The following KCNC2 variants were observed in gnomAD, a reference collection of about 807,000 sequenced individuals.
KCNC2 encodes potassium voltage-gated channel subfamily C member 2.
KCNC2 carries 21 observed loss-of-function variants against 44.5 expected under a neutral mutation model. The ratio of observed to expected loss-of-function variants is 0.47; its 90% CI spans 0.33 to 0.68. KCNC2 has a LOEUF of 0.68. Among genes scored for constraint, KCNC2 ranks in the 30% least tolerant of loss-of-function variants. The pLI is 0.01. For synonymous variants in KCNC2, 391 were observed against 339.1 expected (o/e 1.15, Z -1.68); for missense variants, 589 against 826.2 (o/e 0.71, Z 3.52).
chr12:75,165,688 A>T (rs577523604), intron 2 of KCNC2, among the ~76,000 whole-genome samples: 86 of 151,690 alleles, frequency 5.7e-4, no homozygotes, highest in Non-Finnish European at 9.5e-4. Context: ...AAGTGGAAAG[A>T]TAGAGTACTT....
At chr12:75,051,443 G>A in intron 2 of KCNC2, 126 bp from the exon 3 acceptor site, 1 of 602,014 alleles carries the variant, frequency 1.7e-6, no homozygotes, top group Non-Finnish European at 2.9e-6. Context: ...GTTTCACTTG[G>A]ATATGACCTA....
intron 2 of KCNC2, among the ~76,000 whole-genome samples, chr12:75,198,524 G>A (rs908249182): frequency 1.3e-5 from 2 of 151,710 alleles, no homozygotes; most frequent in Non-Finnish European, 3.0e-5. Flanking sequence ...AAAGAGAGAA[G>A]CAGAACAACT....
intron 2 of KCNC2, among the ~76,000 whole-genome samples, chr12:75,116,042 T>C (rs1015567180): frequency 6.6e-5 from 10 of 152,188 alleles, no homozygotes; most frequent in Non-Finnish European, 1.0e-4. Flanking sequence ...TCAAGGAACC[T>C]TGTGCTTTAT....
chr12:75,079,020 C>T (rs1287470839), intron 2 of KCNC2, among the ~76,000 whole-genome samples: 3 of 151,962 alleles, frequency 2.0e-5, no homozygotes, highest in Non-Finnish European at 4.4e-5. Context: ...AATATTAAAA[C>T]ACAAAAGCTT....
intron 2 of KCNC2, among the ~76,000 whole-genome samples, chr12:75,198,057 A>C (rs1385233792): frequency 1.6e-4 from 24 of 151,916 alleles, no homozygotes. Context: ...AACATGAGGC[A>C]ATTAATTAAA....
intron 2 of KCNC2, among the ~76,000 whole-genome samples, chr12:75,130,781 T>TAAA (rs1224440806): frequency 2.4e-4 from 29 of 122,638 alleles, no homozygotes; most frequent in African/African-American, 8.0e-4. Flanking sequence ...CTCCTAGTAA[T>TAAA]AAAAAAAAAA....
intron 2 of KCNC2, among the ~76,000 whole-genome samples, chr12:75,179,959 C>T (rs1056691229): frequency 5.3e-5 from 8 of 151,812 alleles, no homozygotes; most frequent in African/African-American, 1.9e-4. Context: ...TACTGAATAT[C>T]ATCTATTTGT....
rs1269707752 is a variant in KCNC2 at position 75,082,633 on chromosome 12, A to G, written c.688-31316T>C. Among the ~76,000 whole-genome samples the G allele has an allele frequency of 7.9e-5, 12 of 151,562 alleles. 1 individual carries two copies. The highest frequency in any genetic ancestry group is 7.9e-4 in the Admixed American group (12 of 15,162). On this transcript the variant is annotated intron_variant, in intron 2 of 4. Coordinates refer to ENST00000549446, the MANE Select transcript of KCNC2 (RefSeq NM_139137.4). ...TTTTCACAGTAAAAATATGGAAGTA[A>G]CCTCAATACCCAGGGAAAAAAGAAT...
intron 2 of KCNC2, among the ~76,000 whole-genome samples, chr12:75,061,160 T>C (rs1204939964): frequency 6.6e-6 from 1 of 152,290 alleles, no homozygotes. Flanking sequence ...TAGTAACTAT[T>C]AAGAAGGCAT....
intron 2 of KCNC2, among the ~76,000 whole-genome samples, chr12:75,156,469 G>A (rs139686407): frequency 8.6e-5 from 13 of 151,728 alleles, no homozygotes; most frequent in African/African-American, 2.9e-4. Flanking sequence ...CATATGCCTC[G>A]CACAGCCTAA....
chr12:75,179,363 A>G (rs1892401665), intron 2 of KCNC2, among the ~76,000 whole-genome samples: 2 of 151,966 alleles, frequency 1.3e-5, no homozygotes, highest in South Asian at 4.1e-4. Context: ...GCAAAAATAT[A>G]TAAGGAGTGA....
In KCNC2 at chr12:75,074,256, G is replaced by GGCC. The variant is rs1321515966; in HGVS notation, c.688-22942_688-22940dup. 8.8e-5 allele frequency among the ~76,000 whole-genome samples: 3 copies of GGCC among 33,920 alleles called. No homozygotes were observed. In the East Asian group the frequency reaches 2.1e-3, roughly 24 times the overall value. 22.3% of individuals were successfully genotyped at this position (33,920 alleles called of 152,430 possible). On this transcript the variant is annotated intron_variant, in intron 2 of 4. Transcript: ENST00000549446. ...GATTTTTTTTTTTTTTTTTTTTTTTGGCCATTTGGGTAAAGTTGCTGTTGA... is the reference window on the plus strand; with the variant it reads ...GATTTTTTTTTTTTTTTTTTTTTTTGGCCGCCATTTGGGTAAAGTTGCTGTTGA...
At chr12:75,135,237 T>G (rs1209320284) in intron 2 of KCNC2, among the ~76,000 whole-genome samples, 1 of 151,068 alleles carries the variant, frequency 6.6e-6, no homozygotes, top group African/African-American at 2.4e-5. Context: ...AAGTGCTTGT[T>G]TCTGGCAAAA....
At chr12:75,165,654 T>A (rs1210152765) in intron 2 of KCNC2, among the ~76,000 whole-genome samples, 1 of 151,484 alleles carries the variant, frequency 6.6e-6, no homozygotes, top group Non-Finnish European at 1.5e-5. Flanking sequence ...AAGTGTTAGG[T>A]CCATCAAAAT....
At chr12:75,197,003 G>A (rs997689912) in intron 2 of KCNC2, among the ~76,000 whole-genome samples, 1 of 151,934 alleles carries the variant, frequency 6.6e-6, no homozygotes, top group African/African-American at 2.4e-5. Flanking sequence ...CACATAGTGA[G>A]CAAGTAGCCA....
At chr12:75,146,828 G>A (rs181387734) in intron 2 of KCNC2, among the ~76,000 whole-genome samples, 10 of 152,242 alleles carry the variant, frequency 6.6e-5, no homozygotes, top group African/African-American at 1.9e-4. Context: ...CATTTTATGT[G>A]TATATAATGT....
At chr12:75,047,651 C>T (rs2136930136) in intron 4 of KCNC2, among the ~76,000 whole-genome samples, 1 of 152,036 alleles carries the variant, frequency 6.6e-6, no homozygotes, top group Middle Eastern at 3.4e-3. Flanking sequence ...CCTTGAGACC[C>T]TCAGGTAAAC....
intron 2 of KCNC2, among the ~76,000 whole-genome samples, chr12:75,165,236 T>C (rs886606086): frequency 2.0e-5 from 3 of 151,610 alleles, no homozygotes; most frequent in Non-Finnish European, 4.4e-5. Flanking sequence ...CATAACTTTA[T>C]GTAAATACAT....
At chr12:75,084,432 G>A (rs994674512) in intron 2 of KCNC2, among the ~76,000 whole-genome samples, 8 of 151,876 alleles carry the variant, frequency 5.3e-5, no homozygotes, top group Non-Finnish European at 1.0e-4. Flanking sequence ...GAGGGACCAG[G>A]GGGAGGTAAT....
Sources: allele counts gnomAD v4.1 joint callset (sites outside exome capture counted in the v4.1 genomes callset), GRCh38; gene constraint gnomAD v4.1.1; transcripts MANE v1.5; gene names NCBI Gene and HGNC (gene_info 2026-07-23, HGNC 2026-07-21).